The following SMG6 variants were observed in gnomAD, a reference collection of about 807,000 sequenced individuals.
The protein encoded by SMG6 is telomerase-binding protein EST1A.
In SMG6, 66 loss-of-function variants were observed where a neutral mutation model predicts 142.2. The ratio of observed to expected loss-of-function variants is 0.46; its 90% CI spans 0.38 to 0.57. The LOEUF (loss-of-function observed/expected upper bound fraction) is 0.57, where lower values mean the gene tolerates loss of function less well. Ranked by LOEUF, SMG6 falls within the 20% of genes least tolerant of loss-of-function variation. The pLI is 0.00. For missense variants in SMG6, 1,793 were observed against 1,832.0 expected (o/e 0.98, Z 0.39); for synonymous variants, 779 against 702.4 (o/e 1.11, Z -1.72).
intron 13 of SMG6, among the ~76,000 whole-genome samples, chr17:2,152,614 C>T (rs1353538577): frequency 6.6e-6 from 1 of 152,088 alleles, no homozygotes; most frequent in East Asian, 1.9e-4. Flanking sequence ...ACATCATTAG[C>T]CATTAGAGAA....
intron 13 of SMG6, among the ~76,000 whole-genome samples, chr17:2,114,114 A>T (rs1388966429): frequency 6.6e-6 from 1 of 152,070 alleles, no homozygotes; most frequent in African/African-American, 2.4e-5. Flanking sequence ...CTAAAAAAAT[A>T]CAAAAATTAG....
chr17:2,274,047 C>T (rs183736807), intron 8 of SMG6, among the ~76,000 whole-genome samples: 201 of 152,286 alleles, frequency 1.3e-3, no homozygotes, highest in African/African-American at 4.6e-3. Flanking sequence ...GCAAACTAGG[C>T]CCACAGGCCA....
At chr17:2,175,749 A>G (rs1454163439) in intron 12 of SMG6, among the ~76,000 whole-genome samples, 2 of 152,144 alleles carry the variant, frequency 1.3e-5, no homozygotes, top group Non-Finnish European at 2.9e-5. Flanking sequence ...ATATAAATAA[A>G]AGTGGTCCAA....
intron 8 of SMG6, among the ~76,000 whole-genome samples, chr17:2,271,487 G>A (rs149068282): frequency 0.26 from 39,149 of 151,480 alleles, 6,519 homozygotes; most frequent in Admixed American, 0.36. Context: ...GCCAAGGTGG[G>A]TGGATCACCT....
At chr17:2,192,324 G>A (rs1157511635) in intron 10 of SMG6, among the ~76,000 whole-genome samples, 2 of 152,238 alleles carry the variant, frequency 1.3e-5, no homozygotes, top group African/African-American at 2.4e-5. Flanking sequence ...ATCTGGCAGC[G>A]ATGGAACTAT....
chr17:2,184,475 T>C (rs1023079920), intron 12 of SMG6, among the ~76,000 whole-genome samples: 2 of 150,040 alleles, frequency 1.3e-5, no homozygotes, highest in African/African-American at 4.9e-5. Flanking sequence ...CTGGCCAACA[T>C]AGTGAAACCT....
chr17:2,112,728 T>G (rs902988896), intron 13 of SMG6, among the ~76,000 whole-genome samples: 26 of 146,934 alleles, frequency 1.8e-4, no homozygotes, highest in Admixed American at 8.2e-4. Context: ...CAGCAAACAA[T>G]AAAAGCCAGG....
intron 8 of SMG6, among the ~76,000 whole-genome samples, chr17:2,272,567 A>G (rs1292039629): frequency 6.6e-6 from 1 of 152,216 alleles, no homozygotes; most frequent in Non-Finnish European, 1.5e-5. Flanking sequence ...ACAAAATTTG[A>G]GTCACCTGAG....
chr17:2,292,457 A>G (rs2075059075), intron 6 of SMG6, 95 bp downstream of exon 6: 1 of 1,190,074 alleles, frequency 8.4e-7, no homozygotes, highest in Admixed American at 1.9e-5. Context: ...TACAGTGATG[A>G]GATGAAATGA....
At chr17:2,161,040 G>A (rs970698232) in intron 13 of SMG6, among the ~76,000 whole-genome samples, 1 of 150,310 alleles carries the variant, frequency 6.7e-6, no homozygotes, top group Non-Finnish European at 1.5e-5. Flanking sequence ...GACAAAGGTT[G>A]TATGTATGTA....
chr17:2,200,331 T>A (rs975080227), intron 10 of SMG6, among the ~76,000 whole-genome samples: 4 of 152,286 alleles, frequency 2.6e-5, no homozygotes, highest in African/African-American at 9.6e-5. Flanking sequence ...ATACCTTTTT[T>A]AAAAACGTGA....
At chr17:2,082,231 G>A (rs561389782) in intron 14 of SMG6, 22 of 402,520 alleles carry the variant, frequency 5.5e-5, no homozygotes, top group East Asian at 3.2e-4. Context: ...ATATACCTGC[G>A]TGCTTTACTC....
chr17:2,218,463 C>T (rs1018346540), intron 10 of SMG6, among the ~76,000 whole-genome samples: 2 of 152,074 alleles, frequency 1.3e-5, no homozygotes, highest in Non-Finnish European at 2.9e-5. Flanking sequence ...AGGAGAATGG[C>T]GTGGACCCAG....
At chr17:2,139,359 A>G (rs1052095943) in intron 13 of SMG6, among the ~76,000 whole-genome samples, 1 of 152,142 alleles carries the variant, frequency 6.6e-6, no homozygotes, top group Non-Finnish European at 1.5e-5. Flanking sequence ...CAGACTGACA[A>G]TCAAGAGCTC....
At chr17:2,257,553 A>G (rs1267790396) in intron 8 of SMG6, among the ~76,000 whole-genome samples, 1 of 152,194 alleles carries the variant, frequency 6.6e-6, no homozygotes, top group Non-Finnish European at 1.5e-5. Flanking sequence ...GGGCAAAAAG[A>G]GACTACACTT....
chr17:2,145,931 A>AAT (rs1303858879), intron 13 of SMG6, among the ~76,000 whole-genome samples: 1 of 152,062 alleles, frequency 6.6e-6, no homozygotes, highest in Non-Finnish European at 1.5e-5. Context: ...TCTAAATCTC[A>AAT]ATATATATTC....
At chr17:2,110,867 G>C (rs1026590498) in intron 13 of SMG6, among the ~76,000 whole-genome samples, 6 of 152,176 alleles carry the variant, frequency 3.9e-5, no homozygotes, top group Admixed American at 6.5e-5. Context: ...GAAACAAAGA[G>C]TGCTATATAT....
At chr17:2,272,783 T>G (rs191643691) in intron 8 of SMG6, among the ~76,000 whole-genome samples, 1 of 151,812 alleles carries the variant, frequency 6.6e-6, no homozygotes, top group Admixed American at 6.6e-5. Context: ...CTAAAAATAC[T>G]AAAAATTAGC....
chr17:2,152,402 A>G (rs952589375), intron 13 of SMG6, among the ~76,000 whole-genome samples: 5 of 152,348 alleles, frequency 3.3e-5, no homozygotes, highest in Admixed American at 6.5e-5. Context: ...CTTAGTCTCT[A>G]AAGTGAAAAG....
Sources: gnomAD v4.1 joint callset for allele counts (sites outside exome capture counted in the v4.1 genomes callset) on GRCh38, gnomAD v4.1.1 for gene constraint, MANE v1.5 for transcripts, NCBI Gene and HGNC (gene_info 2026-07-23, HGNC 2026-07-21) for gene names.